Variants in CCDC57 observed in about 807,000 individuals in gnomAD.
CCDC57 encodes the protein coiled-coil domain-containing protein 57.
A neutral mutation model predicts 118.9 loss-of-function variants in CCDC57; 118 were observed. That is an observed-to-expected ratio of 0.99 (90% confidence interval 0.86 to 1.16). The LOEUF is 1.16. CCDC57 is among the 50% of genes most tolerant of loss of function. The pLI is 0.00. For missense variants in CCDC57, 1,300 were observed against 1,320.7 expected (o/e 0.98, Z 0.24); for synonymous variants, 527 against 532.9 (o/e 0.99, Z 0.15).
chr17:82,191,987 CT>C (rs35746149), intron 7 of CCDC57, among the ~76,000 whole-genome samples: 64,482 of 137,688 alleles, frequency 0.47, 14,903 homozygotes, highest in East Asian at 0.87. Context: ...TTTTTTATGA[CT>C]TTTTTTTTTT....
chr17:82,210,824 T>C (rs2050127417), intron 1 of CCDC57, among the ~76,000 whole-genome samples: 1 of 150,132 alleles, frequency 6.7e-6, no homozygotes, highest in East Asian at 1.9e-4. Flanking sequence ...CGAAACCTCG[T>C]CTCTACTAAA....
chr17:82,134,143 C>T, exon 17 of CCDC57: 3 of 1,381,928 alleles, frequency 2.2e-6, no homozygotes, highest in South Asian at 3.5e-5. Flanking sequence ...GGGCTCCTCG[C>T]CTGGCTTCCG....
At chr17:82,201,713 A>G (rs1403106228) in exon 3 of CCDC57, 1 of 1,613,886 alleles carries the variant, frequency 6.2e-7, no homozygotes, top group South Asian at 1.1e-5. Context: ...GCCTGGGCGA[A>G]GGCGGCGTCA....
chr17:82,120,842 G>A (rs900462028), intron 19 of CCDC57, among the ~76,000 whole-genome samples: 6 of 151,904 alleles, frequency 3.9e-5, no homozygotes, highest in African/African-American at 1.2e-4. Context: ...TGCAAGCTCC[G>A]CCTCTCGGGT....
chr17:82,169,848 T>A (rs1234446944), intron 13 of CCDC57, among the ~76,000 whole-genome samples: 1 of 152,206 alleles, frequency 6.6e-6, no homozygotes, highest in African/African-American at 2.4e-5. Context: ...AGCCTATGAG[T>A]TTGTCTTGAA....
rs369167867 is a variant in CCDC57 at position 82,201,746 on chromosome 17, G to A, written c.199C>T (p.Arg67Trp). ...TCATAGCGCTCCAGCTCGAGGTCCCGCTCCTCCAGCACCTGAAGGTTGTAG... is the reference window on the plus strand; with the variant it reads ...TCATAGCGCTCCAGCTCGAGGTCCCACTCCTCCAGCACCTGAAGGTTGTAG... Residue 67 changes from arginine (R) to tryptophan (W), a missense_variant, in exon 3 of 20, where the codon CGG becomes TGG. Physicochemically the swap from Arg to Trp is moderately radical, Grantham distance 101 (BLOSUM62 -3). Transcript: ENST00000665763. 22 of 1,613,842 alleles carry A rather than the reference G, an allele frequency of 1.4e-5. No individual in the cohort carries two copies. The highest frequency in any genetic ancestry group is 1.8e-5 in the Non-Finnish European group (21 of 1,179,866).
chr17:82,127,667 G>A (rs2037672987), intron 19 of CCDC57, 25 bp downstream of exon 18: 12 of 1,572,678 alleles, frequency 7.6e-6, no homozygotes, highest in Non-Finnish European at 9.5e-6. Flanking sequence ...GCTGTGGGCA[G>A]CTCCTGGGGA....
chr17:82,182,647 C>T (rs1011956482), intron 9 of CCDC57, among the ~76,000 whole-genome samples: 3 of 150,998 alleles, frequency 2.0e-5, no homozygotes, highest in South Asian at 2.1e-4. Flanking sequence ...AGCCACCGCG[C>T]CCGGCCCACC....
At chr17:82,133,431 CAAAAAAAAA>C (rs71166189) in intron 17 of CCDC57, among the ~76,000 whole-genome samples, 136 of 38,390 alleles carry the variant, frequency 3.5e-3, no homozygotes, top group African/African-American at 0.014. Flanking sequence ...GGCCCTGTCT[CAAAAAAAAA>C]AAAAAAAAAA....
intron 19 of CCDC57, among the ~76,000 whole-genome samples, chr17:82,117,947 G>A (rs1215454859): frequency 3.9e-5 from 6 of 152,078 alleles, no homozygotes; most frequent in South Asian, 2.1e-4. Context: ...CAGGGCACAC[G>A]CACAGGAGGT....
At chr17:82,145,187 A>ATT (rs71166191) in intron 16 of CCDC57, among the ~76,000 whole-genome samples, 3,483 of 139,260 alleles carry the variant, frequency 0.025, 145 homozygotes, top group African/African-American at 0.087. Context: ...CACTTGGCTA[A>ATT]TTTTTTTTTT....
chr17:82,101,788 G>A (rs2034467781), exon 20 of CCDC57: 1 of 1,608,210 alleles, frequency 6.2e-7, no homozygotes, highest in Admixed American at 1.7e-5. Context: ...TGCCTGGGCT[G>A]CTGTCTTCAT....
At chr17:82,123,939 T>G (rs2037070536) in intron 19 of CCDC57, among the ~76,000 whole-genome samples, 1 of 125,890 alleles carries the variant, frequency 7.9e-6, no homozygotes, top group Admixed American at 1.1e-4. Flanking sequence ...GAAGGCATCA[T>G]GAAGCTAGCA....
chr17:82,198,671 T>TA (rs1286205194), intron 3 of CCDC57, among the ~76,000 whole-genome samples: 9 of 148,298 alleles, frequency 6.1e-5, no homozygotes, highest in South Asian at 4.3e-4. Context: ...AGGATACAAT[T>TA]AAAAAAAAAA....
At chr17:82,152,526 G>A (rs978267486) in intron 15 of CCDC57, among the ~76,000 whole-genome samples, 1 of 152,228 alleles carries the variant, frequency 6.6e-6, no homozygotes, top group African/African-American at 2.4e-5. Context: ...AGCCCAACCT[G>A]GACTTGCAGC....
In CCDC57 at chr17:82,187,324, A is replaced by T. The variant is rs182295314; in HGVS notation, c.1052+895T>A. On this transcript the variant is annotated intron_variant, in intron 8 of 19. Coordinates refer to ENST00000665763, the Ensembl canonical transcript of CCDC57. ...TGGTTACAATAGTAAATTTTATGTT[A>T]TGTGTATTTTACCACAATTTAAAAA... Among the ~76,000 whole-genome samples, 89 of 149,834 alleles carry T rather than the reference A, an allele frequency of 5.9e-4. 1 individual carries two copies. The highest frequency in any genetic ancestry group is 2.2e-3 in the Admixed American group (33 of 14,918).
intron 16 of CCDC57, among the ~76,000 whole-genome samples, chr17:82,139,507 C>G (rs890084756): frequency 1.3e-5 from 2 of 152,186 alleles, no homozygotes; most frequent in African/African-American, 2.4e-5. Flanking sequence ...AGGTGCCCAC[C>G]ACCACACCCA....
intron 19 of CCDC57, chr17:82,126,963 C>T (rs1368456723): frequency 4.1e-6 from 4 of 985,278 alleles, no homozygotes; most frequent in Non-Finnish European, 4.8e-6. Context: ...CCACATCACA[C>T]GTCCCGCAAC....
At chr17:82,110,661 C>T (rs1190134965) in intron 19 of CCDC57, among the ~76,000 whole-genome samples, 1 of 152,232 alleles carries the variant, frequency 6.6e-6, no homozygotes, top group Non-Finnish European at 1.5e-5. Flanking sequence ...CAAAACCTCT[C>T]ATCCTGCTTC....
Sources: allele counts gnomAD v4.1 joint callset (sites outside exome capture counted in the v4.1 genomes callset), GRCh38; gene constraint gnomAD v4.1.1; transcripts MANE v1.5; gene names NCBI Gene and HGNC (gene_info 2026-07-23, HGNC 2026-07-21).